NBPF10: variants seen among roughly 807,000 people sequenced by gnomAD.
The protein encoded by NBPF10 is NBPF member 10, also known as NBPF family member NBPF10.
A neutral mutation model predicts 77.9 loss-of-function variants in NBPF10; 63 were observed. The observed-to-expected ratio is 0.81, with a 90% CI of 0.66 to 1.00. NBPF10 has a LOEUF of 1.00. Among genes scored for constraint, NBPF10 ranks in the 50% least tolerant of loss-of-function variants. The pLI is 0.00. For synonymous variants in NBPF10, 146 were observed against 264.5 expected (o/e 0.55, Z 4.35); for missense variants, 522 against 679.8 (o/e 0.77, Z 2.58).
intron 89 of NBPF10, 137 bp downstream of exon 89, chr1:146,067,043 T>A: frequency 1.9e-6 from 1 of 526,928 alleles, no homozygotes; most frequent in South Asian, 2.0e-5. Flanking sequence ...TCTACTGCAA[T>A]GAAAACCAAC....
At chr1:146,135,932 T>C (rs4068051) in intron 7 of NBPF10, among the ~76,000 whole-genome samples, 8 of 146,272 alleles carry the variant, frequency 5.5e-5, no homozygotes, top group South Asian at 2.3e-4. Flanking sequence ...ATTGAAAAGA[T>C]GAAAGAAGAA....
At chr1:146,136,169 C>A (rs587700098) in intron 7 of NBPF10, among the ~76,000 whole-genome samples, 184 bp downstream of exon 7, 1 of 151,770 alleles carries the variant, frequency 6.6e-6, no homozygotes, top group Non-Finnish European at 1.5e-5. Context: ...CTCTGAGAAA[C>A]AACTGCAACC....
At chr1:146,139,377 C>G (rs322077) in intron 5 of NBPF10, among the ~76,000 whole-genome samples, 2 of 151,840 alleles carry the variant, frequency 1.3e-5, no homozygotes, top group African/African-American at 4.8e-5. Context: ...CCAAAGTGCT[C>G]GGATTACAGG....
chr1:146,126,198 T>C, intron 14 of NBPF10, 38 bp downstream of exon 14: 2 of 1,157,650 alleles, frequency 1.7e-6, no homozygotes, highest in East Asian at 4.7e-5. Flanking sequence ...ACCAGAAGAC[T>C]CAGTGGATCC....
At chr1:146,126,433 A>C (rs1658671816) in intron 13 of NBPF10, 25 bp from the exon 14 acceptor site, 2 of 996,840 alleles carry the variant, frequency 2.0e-6, no homozygotes, top group Non-Finnish European at 1.6e-6. Flanking sequence ...AAAAGTAAAG[A>C]ATAAGCCAGG....
chr1:146,068,172 G>C (rs1318100323), exon 88 of NBPF10: 2 of 431,928 alleles, frequency 4.6e-6, no homozygotes, highest in Non-Finnish European at 8.0e-6. Flanking sequence ...GCTCCCTGCT[G>C]AGCCTGGAAA....
At chr1:146,140,530 C>T (rs200974019) in exon 4 of NBPF10, 3 of 952,346 alleles carry the variant, frequency 3.2e-6, no homozygotes, top group Non-Finnish European at 3.1e-6. Context: ...TCAACTTGAA[C>T]ATCTTCATCC....
At chr1:146,131,045 CAAA>C (rs1234782257) in intron 11 of NBPF10, among the ~76,000 whole-genome samples, 6 of 31,460 alleles carry the variant, frequency 1.9e-4, no homozygotes, top group African/African-American at 6.0e-4. Context: ...AAATGGAAAA[CAAA>C]AAAAGGCAGG....
At chr1:146,125,808 G>A (rs78788870) in intron 14 of NBPF10, among the ~76,000 whole-genome samples, 42 of 148,572 alleles carry the variant, frequency 2.8e-4, no homozygotes, top group Non-Finnish European at 5.4e-4. Flanking sequence ...TAAAGCAAAT[G>A]CCCCCAAATG....
chr1:146,139,242 G>C (rs1385322765), intron 5 of NBPF10, among the ~76,000 whole-genome samples: 25 of 149,732 alleles, frequency 1.7e-4, no homozygotes, highest in Admixed American at 1.0e-3. Context: ...TGGGACTACA[G>C]GCGCCCACCA....
Position 146,126,491 on chromosome 1 carries a change from A to T in NBPF10, c.1854-83T>A, listed in dbSNP as rs1356222186. 5.5e-6 allele frequency: 4 copies of T among 727,114 alleles called. No individual in the cohort carries two copies. In the African/African-American group the frequency reaches 7.0e-5, roughly 13 times the overall value. The allele number at this position is 727,114 out of a possible 1,614,324, so 45.0% of individuals were successfully genotyped here. ...CCAGCTAGATTTCATGGCTAACATA[A>T]GGAAGAGTTTGAAAAGAAAAAGGAC... On this transcript the variant is annotated intron_variant, in intron 13 of 89. Coordinates refer to ENST00000583866, the Ensembl canonical transcript of NBPF10.
rs587743157 is a variant in NBPF10 at position 146,125,535 on chromosome 1, T to C, written c.2027-19A>G. 2.1e-4 allele frequency: 139 copies of C among 660,742 alleles called. 2 individuals carry two copies. In the East Asian group the frequency reaches 3.6e-3, roughly 17 times the overall value. The allele number at this position is 660,742 out of a possible 1,614,324, so 40.9% of individuals were successfully genotyped here. A position where few individuals can be genotyped will look rare whatever the true frequency, so the allele number is the denominator to read the frequency against. On this transcript the variant is annotated intron_variant, in intron 14 of 89. Coordinates refer to ENST00000583866, the Ensembl canonical transcript of NBPF10. The stretch of plus-strand genomic sequence containing the variant: ...TCAATTTCTGCAATAAGTTCAGACA[T>C]GGACAGACATATTAAGCTCGTTCTC...
intron 59 of NBPF10, among the ~76,000 whole-genome samples, chr1:146,090,503 T>A: frequency 8.9e-5 from 1 of 11,290 alleles, no homozygotes; most frequent in Non-Finnish European, 1.6e-4. Context: ...ACGAGCTCAG[T>A]GAATTGTCCA....
At chr1:146,092,824 T>G (rs1193894606) in intron 56 of NBPF10, among the ~76,000 whole-genome samples, 2 of 106,148 alleles carry the variant, frequency 1.9e-5, no homozygotes. Flanking sequence ...AGATTGTTCA[T>G]GGTAGTGAGG....
At chr1:146,069,599 C>A (rs587659422) in exon 86 of NBPF10, 18 of 1,546,550 alleles carry the variant, frequency 1.2e-5, no homozygotes, top group South Asian at 1.1e-4. Flanking sequence ...AAAGGCACTT[C>A]TGTAGGGCTG....
At chr1:146,125,898 G>A (rs1179994816) in intron 14 of NBPF10, among the ~76,000 whole-genome samples, 1 of 151,330 alleles carries the variant, frequency 6.6e-6, no homozygotes, top group Non-Finnish European at 1.5e-5. Context: ...GATTTTAGAC[G>A]CTGAAATTAG....
intron 1 of NBPF10, among the ~76,000 whole-genome samples, chr1:146,143,847 T>C (rs587650946): frequency 6.9e-6 from 1 of 145,706 alleles, no homozygotes; most frequent in Non-Finnish European, 1.5e-5. Context: ...CCTGCTGGGT[T>C]CAAAGGATTC....
chr1:146,126,199 C>A (rs782702198), intron 14 of NBPF10, 37 bp downstream of exon 14: 3 of 1,171,726 alleles, frequency 2.6e-6, no homozygotes, highest in Non-Finnish European at 3.8e-6. Flanking sequence ...CCAGAAGACT[C>A]AGTGGATCCT....
At chr1:146,138,769 A>AT (rs1360699654) in intron 5 of NBPF10, among the ~76,000 whole-genome samples, 3 of 125,956 alleles carry the variant, frequency 2.4e-5, no homozygotes, top group African/African-American at 2.7e-5. Context: ...TGCTTTTTTA[A>AT]TTTTTTTCTT....
Sources: gnomAD v4.1 joint callset for allele counts (sites outside exome capture counted in the v4.1 genomes callset) on GRCh38, gnomAD v4.1.1 for gene constraint, MANE v1.5 for transcripts, NCBI Gene and HGNC (gene_info 2026-07-23, HGNC 2026-07-21) for gene names.